LRMDA: variants seen among roughly 807,000 people sequenced by gnomAD.
LRMDA encodes the protein leucine-rich melanocyte differentiation-associated protein.
A neutral mutation model predicts 29.8 loss-of-function variants in LRMDA; 18 were observed. That is an observed-to-expected ratio of 0.60 (90% CI 0.42 to 0.90). The LOEUF (loss-of-function observed/expected upper bound fraction) is 0.90, where lower values mean the gene tolerates loss of function less well. Among genes scored for constraint, LRMDA ranks in the 40% least tolerant of loss-of-function variants. LRMDA has a pLI of 0.00. For missense variants in LRMDA, 273 were observed against 273.9 expected (o/e 1.00, Z 0.02); for synonymous variants, 125 against 109.4 (o/e 1.14, Z -0.89).
At chr10:76,502,355 T>G (rs182344660) in intron 6 of LRMDA, among the ~76,000 whole-genome samples, 20 of 152,166 alleles carry the variant, frequency 1.3e-4, no homozygotes, top group African/African-American at 4.3e-4. Flanking sequence ...TCTTTTTTTG[T>G]TTCATATGAA....
rs905706050 is a variant in LRMDA, at chr10:75,552,759, T to C, written c.131+114265T>C. ...TATAGCTCTCATATGCTTTTTTTTT[T>C]CCTTGTTATTATTTTGGATCATTTC... On this transcript the variant is annotated intron_variant, in intron 2 of 6. Coordinates refer to ENST00000611255, the MANE Select transcript of LRMDA (RefSeq NM_001305581.2). Among the ~76,000 whole-genome samples, 16 of 152,092 alleles carry C rather than the reference T, an allele frequency of 1.1e-4. No individual in the cohort carries two copies. The South Asian group carries it at 2.7e-3, about 26-fold the overall frequency.
intron 2 of LRMDA, among the ~76,000 whole-genome samples, chr10:76,021,127 G>A (rs114654800): frequency 0.012 from 1,766 of 152,316 alleles, 40 homozygotes; most frequent in African/African-American, 0.04. Flanking sequence ...GGGACAGTTG[G>A]ACAATAGACC....
intron 2 of LRMDA, among the ~76,000 whole-genome samples, chr10:75,854,604 C>T (rs1327050534): frequency 1.3e-5 from 2 of 151,946 alleles, no homozygotes; most frequent in Non-Finnish European, 2.9e-5. Context: ...TTTTAGGGTA[C>T]ACGTGCACAA....
At chr10:76,396,383 C>T (rs1841784243) in intron 6 of LRMDA, 1 of 152,174 alleles carries the variant, frequency 6.6e-6, no homozygotes, top group South Asian at 2.1e-4. Flanking sequence ...GAGGGAGAGA[C>T]CATATGGTGC....
intron 2 of LRMDA, among the ~76,000 whole-genome samples, chr10:75,748,928 T>C (rs560409038): frequency 1.4e-4 from 21 of 152,324 alleles, no homozygotes; most frequent in Non-Finnish European, 2.9e-4. Flanking sequence ...TATACACACA[T>C]ACAGAATTAT....
intron 2 of LRMDA, among the ~76,000 whole-genome samples, chr10:75,661,885 A>G (rs1416203419): frequency 6.6e-6 from 1 of 152,194 alleles, no homozygotes; most frequent in African/African-American, 2.4e-5. Context: ...AATGATAATA[A>G]TAAAATGGAT....
chr10:75,675,366 C>A (rs534146127), intron 2 of LRMDA, among the ~76,000 whole-genome samples: 6 of 152,266 alleles, frequency 3.9e-5, no homozygotes, highest in African/African-American at 1.4e-4. Context: ...GAAGCTGAAA[C>A]CTTGATCAGT....
At chr10:76,532,590 A>T (rs1589227461) in intron 6 of LRMDA, among the ~76,000 whole-genome samples, 1 of 152,160 alleles carries the variant, frequency 6.6e-6, no homozygotes, top group Non-Finnish European at 1.5e-5. Flanking sequence ...TGGTTGTGTG[A>T]TGGGTAGTGC....
intron 2 of LRMDA, among the ~76,000 whole-genome samples, chr10:75,604,683 G>T (rs1280741088): frequency 1.3e-5 from 2 of 152,138 alleles, no homozygotes; most frequent in Non-Finnish European, 2.9e-5. Flanking sequence ...ACAAATGCCT[G>T]CCCAGGGGTG....
chr10:76,011,218 AC>A (rs1407587284), intron 2 of LRMDA, among the ~76,000 whole-genome samples: 2 of 152,168 alleles, frequency 1.3e-5, no homozygotes, highest in Non-Finnish European at 2.9e-5. Flanking sequence ...GTGTGAAGTG[AC>A]TAATTTCTAA....
intron 5 of LRMDA, among the ~76,000 whole-genome samples, chr10:76,110,227 C>T (rs1353478743): frequency 6.6e-6 from 1 of 152,208 alleles, no homozygotes; most frequent in African/African-American, 2.4e-5. Flanking sequence ...GTTGGCCGAT[C>T]TGTTCCACAT....
At chr10:75,465,953 C>T (rs543623025) in intron 2 of LRMDA, among the ~76,000 whole-genome samples, 2 of 152,206 alleles carry the variant, frequency 1.3e-5, no homozygotes, top group East Asian at 3.8e-4. Flanking sequence ...GTGAAAACAG[C>T]TGGGGAAGTG....
intron 6 of LRMDA, among the ~76,000 whole-genome samples, chr10:76,543,444 T>C (rs936050651): frequency 3.3e-5 from 5 of 152,034 alleles, no homozygotes; most frequent in Admixed American, 2.6e-4. Flanking sequence ...TATGACACTT[T>C]CTTAGAAAAG....
intron 5 of LRMDA, among the ~76,000 whole-genome samples, chr10:76,098,783 T>C (rs531523532): frequency 2.0e-5 from 3 of 152,214 alleles, no homozygotes; most frequent in Non-Finnish European, 4.4e-5. Flanking sequence ...GTTTTATTAT[T>C]ACTCCAATCA....
chr10:76,257,191 A>G (rs949031357), intron 5 of LRMDA, among the ~76,000 whole-genome samples: 12 of 152,164 alleles, frequency 7.9e-5, no homozygotes, highest in African/African-American at 2.9e-4. Flanking sequence ...TAATTATTTC[A>G]AAACAAAAGC....
intron 2 of LRMDA, among the ~76,000 whole-genome samples, chr10:75,610,022 T>G (rs2132098195): frequency 6.6e-6 from 1 of 152,282 alleles, no homozygotes; most frequent in South Asian, 2.1e-4. Context: ...TCCTGCTAAC[T>G]TGGACAAACT....
intron 2 of LRMDA, among the ~76,000 whole-genome samples, chr10:75,903,663 C>T (rs1845714449): frequency 6.6e-6 from 1 of 152,210 alleles, no homozygotes; most frequent in Non-Finnish European, 1.5e-5. Flanking sequence ...TCTTTATGGA[C>T]TCAGTGCGAT....
intron 6 of LRMDA, among the ~76,000 whole-genome samples, chr10:76,389,884 A>G (rs936932754): frequency 3.3e-5 from 5 of 152,104 alleles, no homozygotes; most frequent in Non-Finnish European, 7.3e-5. Flanking sequence ...GTTGATGGTC[A>G]TTTGGGCTGC....
intron 2 of LRMDA, among the ~76,000 whole-genome samples, chr10:75,824,726 A>G (rs1844220302): frequency 6.6e-6 from 1 of 152,186 alleles, no homozygotes; most frequent in Non-Finnish European, 1.5e-5. Context: ...AAGAGCCTGG[A>G]AGGAGGGACT....
Sources: allele counts gnomAD v4.1 joint callset (sites outside exome capture counted in the v4.1 genomes callset), GRCh38; gene constraint gnomAD v4.1.1; transcripts MANE v1.5; gene names NCBI Gene and HGNC (gene_info 2026-07-23, HGNC 2026-07-21).